Variants in IFT25 observed in about 807,000 individuals in gnomAD.
The protein encoded by IFT25 is intraflagellar transport protein 25 homolog.
chr1:53,933,988 T>G, the IFT25 span, among the ~76,000 whole-genome samples: 1 of 152,128 alleles, frequency 6.6e-6, no homozygotes, highest in Non-Finnish European at 1.5e-5. Context: ...ATTTTACATA[T>G]ATAATATATC....
the IFT25 span, among the ~76,000 whole-genome samples, chr1:53,922,184 T>C: frequency 0.24 from 35,944 of 152,058 alleles, 6,761 homozygotes; most frequent in African/African-American, 0.53. Context: ...CACCTGAGGT[T>C]GGGAGTTTGA....
the IFT25 span, among the ~76,000 whole-genome samples, chr1:53,936,191 G>A: frequency 1.3e-5 from 2 of 152,226 alleles, no homozygotes; most frequent in African/African-American, 4.8e-5. Flanking sequence ...GGAAGGCTGA[G>A]GCAGAAGAAT....
At chr1:53,914,939 T>C in the IFT25 span, among the ~76,000 whole-genome samples, 1 of 152,266 alleles carries the variant, frequency 6.6e-6, no homozygotes, top group Non-Finnish European at 1.5e-5. Flanking sequence ...TGGTACATGG[T>C]AAAAAGGTCA....
At chr1:53,929,321 C>T in the IFT25 span, among the ~76,000 whole-genome samples, 1 of 152,206 alleles carries the variant, frequency 6.6e-6, no homozygotes, top group Non-Finnish European at 1.5e-5. Flanking sequence ...AACACTATTT[C>T]CTTCCCTGTG....
chr1:53,926,869 CAT>C, the IFT25 span, among the ~76,000 whole-genome samples: 1 of 152,022 alleles, frequency 6.6e-6, no homozygotes, highest in African/African-American at 2.4e-5. Context: ...ATTACAGGCA[CAT>C]GTCACCATCC....
chr1:53,940,606 A>G, the IFT25 span, among the ~76,000 whole-genome samples: 1 of 152,230 alleles, frequency 6.6e-6, no homozygotes, highest in African/African-American at 2.4e-5. Context: ...CTAAATATAA[A>G]GATACAGACT....
the IFT25 span, among the ~76,000 whole-genome samples, chr1:53,936,345 G>A: frequency 6.6e-6 from 1 of 151,738 alleles, no homozygotes; most frequent in African/African-American, 2.4e-5. Context: ...AGCTACTCAG[G>A]AGGCTGAGGC....
At chr1:53,921,484 C>A in the IFT25 span, 2 of 574,208 alleles carry the variant, frequency 3.5e-6, no homozygotes, top group Admixed American at 3.0e-5. Flanking sequence ...CCCATGGTGG[C>A]CAGTACTGCT....
the IFT25 span, among the ~76,000 whole-genome samples, chr1:53,935,097 T>C: frequency 6.6e-6 from 1 of 152,274 alleles, no homozygotes; most frequent in East Asian, 1.9e-4. Flanking sequence ...AGGTGGATCA[T>C]GAGGTCAAGA....
At chr1:53,930,248 T>A in the IFT25 span, 6 of 1,073,680 alleles carry the variant, frequency 5.6e-6, no homozygotes, top group Non-Finnish European at 6.5e-6. Flanking sequence ...ACTACTGGAT[T>A]CTCACATCTC....
At chr1:53,939,986 C>T in the IFT25 span, 1 of 1,554,714 alleles carries the variant, frequency 6.4e-7, no homozygotes, top group Non-Finnish European at 8.9e-7. Flanking sequence ...AACTCTTACC[C>T]ATCAATGATA....
At chr1:53,923,712 AAAGGT>A in the IFT25 span, 3 of 490,140 alleles carry the variant, frequency 6.1e-6, no homozygotes, top group East Asian at 6.7e-5. Context: ...ACTCTCTATG[AAAGGT>A]AAGAACCTAA....
At chr1:53,912,339 A>T in the IFT25 span, among the ~76,000 whole-genome samples, 1 of 152,210 alleles carries the variant, frequency 6.6e-6, no homozygotes, top group South Asian at 2.1e-4. Flanking sequence ...AATGCATCAA[A>T]CATTGAGCAT....
chr1:53,923,939 G>T, the IFT25 span: 1 of 1,589,562 alleles, frequency 6.3e-7, no homozygotes, highest in South Asian at 1.1e-5. Flanking sequence ...CCCTCTGTGT[G>T]TACCAAATCT....
chr1:53,923,473 T>A, the IFT25 span: 2 of 158,120 alleles, frequency 1.3e-5, no homozygotes, highest in African/African-American at 2.4e-5. Flanking sequence ...ACCTCATCTC[T>A]CTTTGGCTTA....
the IFT25 span, among the ~76,000 whole-genome samples, chr1:53,912,745 G>C: frequency 6.6e-6 from 1 of 152,210 alleles, no homozygotes; most frequent in African/African-American, 2.4e-5. Context: ...TTGTTTTACA[G>C]TTGCTAGCCA....
the IFT25 span, among the ~76,000 whole-genome samples, chr1:53,919,898 TACC>T: frequency 6.6e-6 from 1 of 151,878 alleles, no homozygotes; most frequent in Admixed American, 6.6e-5. Flanking sequence ...CAAGCAAACC[TACC>T]ACCTCAGCCT....
chr1:53,916,218 A>G, the IFT25 span, among the ~76,000 whole-genome samples: 2 of 151,930 alleles, frequency 1.3e-5, no homozygotes, highest in Non-Finnish European at 2.9e-5. Flanking sequence ...GTAGTTCAGC[A>G]GTGAAATACA....
chr1:53,940,017 A>G, the IFT25 span: 2 of 1,610,434 alleles, frequency 1.2e-6, no homozygotes, highest in Non-Finnish European at 1.7e-6. Flanking sequence ...GGTGTTTTTC[A>G]TCACTTGATG....
Sources: allele counts gnomAD v4.1 joint callset (sites outside exome capture counted in the v4.1 genomes callset), GRCh38; gene constraint gnomAD v4.1.1; transcripts MANE v1.5; gene names NCBI Gene and HGNC (gene_info 2026-07-23, HGNC 2026-07-21).